Variants in BICRAL observed in about 807,000 individuals in gnomAD.
BICRAL encodes the protein BRD4-interacting chromatin-remodeling complex-associated protein-like.
BICRAL carries 8 observed loss-of-function variants against 91.8 expected under a neutral mutation model. The observed-to-expected ratio is 0.09, with a 90% CI of 0.05 to 0.16. The LOEUF (loss-of-function observed/expected upper bound fraction) is 0.16. Among genes scored for constraint, BICRAL ranks in the 10% least tolerant of loss-of-function variants. The probability of loss-of-function intolerance (pLI) is 1.00; values close to 1 mark genes in which losing one functional copy is unlikely to be tolerated. For synonymous variants in BICRAL, 445 were observed against 491.1 expected (o/e 0.91, Z 1.24); for missense variants, 1,038 against 1,310.9 (o/e 0.79, Z 3.21).
chr6:42,842,551 C>T (rs1764832110), intron 6 of BICRAL, among the ~76,000 whole-genome samples: 1 of 152,122 alleles, frequency 6.6e-6, no homozygotes, highest in Non-Finnish European at 1.5e-5. Flanking sequence ...ATTGTGTGTT[C>T]AGGCCTTTGT....
chr6:42,764,531 C>T (rs1384462651), intron 1 of BICRAL, among the ~76,000 whole-genome samples: 1 of 148,748 alleles, frequency 6.7e-6, no homozygotes, highest in South Asian at 2.1e-4. Context: ...GAGTAAGACT[C>T]TGTCTTAAAA....
intron 1 of BICRAL, among the ~76,000 whole-genome samples, chr6:42,800,208 G>C (rs982311799): frequency 5.3e-5 from 8 of 152,116 alleles, no homozygotes; most frequent in African/African-American, 1.9e-4. Flanking sequence ...GGGATTACCG[G>C]TGCCTGCCAC....
At chr6:42,833,326 G>C (rs1764549079) in intron 6 of BICRAL, among the ~76,000 whole-genome samples, 1 of 152,094 alleles carries the variant, frequency 6.6e-6, no homozygotes, top group Non-Finnish European at 1.5e-5. Context: ...GGGATTACAG[G>C]CGTGAGCCAC....
intron 5 of BICRAL, among the ~76,000 whole-genome samples, chr6:42,826,098 A>C (rs187311333): frequency 1.0e-4 from 14 of 138,984 alleles, no homozygotes; most frequent in Admixed American, 5.8e-4. Context: ...GGAAAAAAGA[A>C]AAAAAGATAC....
At chr6:42,849,674 C>T (rs137939497) in intron 6 of BICRAL, among the ~76,000 whole-genome samples, 1,644 of 149,910 alleles carry the variant, frequency 0.011, 23 homozygotes, top group African/African-American at 0.038. Context: ...CTCCTGACCT[C>T]GTGATCCGCC....
At chr6:42,823,400 G>A (rs1764199656) in intron 5 of BICRAL, among the ~76,000 whole-genome samples, 1 of 152,160 alleles carries the variant, frequency 6.6e-6, no homozygotes, top group South Asian at 2.1e-4. Flanking sequence ...GGAATTACAG[G>A]TATGAGCCAC....
chr6:42,847,018 C>T (rs1316248583), intron 6 of BICRAL, among the ~76,000 whole-genome samples: 1 of 152,176 alleles, frequency 6.6e-6, no homozygotes, highest in Non-Finnish European at 1.5e-5. Flanking sequence ...AATCTCCGCA[C>T]TTAGAGGGGC....
At chr6:42,747,669 G>T (rs1762301254) in intron 1 of BICRAL, among the ~76,000 whole-genome samples, 1 of 152,218 alleles carries the variant, frequency 6.6e-6, no homozygotes, top group Non-Finnish European at 1.5e-5. Flanking sequence ...GTGTCCGCGT[G>T]CCTGCGTGCA....
At chr6:42,861,994 G>C (rs1765569133) in intron 11 of BICRAL, among the ~76,000 whole-genome samples, 1 of 151,818 alleles carries the variant, frequency 6.6e-6, no homozygotes, top group South Asian at 2.1e-4. Context: ...GCGAGACTCT[G>C]TCTAAAAATA....
At chr6:42,806,715 A>G (rs1467250719) in intron 1 of BICRAL, among the ~76,000 whole-genome samples, 1 of 151,208 alleles carries the variant, frequency 6.6e-6, no homozygotes, top group Non-Finnish European at 1.5e-5. Flanking sequence ...GGGTTTTGCC[A>G]TGTTGCCCAG....
intron 6 of BICRAL, among the ~76,000 whole-genome samples, chr6:42,851,617 T>C (rs1246204587): frequency 1.3e-5 from 2 of 152,192 alleles, no homozygotes; most frequent in Non-Finnish European, 2.9e-5. Context: ...TGATGAAATA[T>C]ACTTTATATC....
Position 42,865,593 on chromosome 6 carries a change from A to T in BICRAL, c.*147A>T. The T allele has an allele frequency of 1.7e-6, 1 of 605,594 alleles. No homozygotes were observed. Among genetic ancestry groups the T allele is most frequent in the South Asian group, 2.1e-5 (1 of 48,220 alleles). The allele number at this position is 605,594 out of a possible 1,614,324, so 37.5% of individuals were successfully genotyped here. On this transcript the variant is annotated 3_prime_UTR_variant, in exon 13 of 13. Coordinates refer to ENST00000314073, the MANE Select transcript of BICRAL (RefSeq NM_001393499.1). ...CTTTCATCACAGGTTATTCTTTCTA[A>T]TCTCAATCCTGTTCTTTGTTTAAGA... is the stretch of plus-strand genomic sequence containing the variant.
chr6:42,767,367 A>T (rs2113839201), intron 1 of BICRAL, among the ~76,000 whole-genome samples: 1 of 152,234 alleles, frequency 6.6e-6, no homozygotes, highest in African/African-American at 2.4e-5. Context: ...TTTTTGTAAA[A>T]GGCTAGGCTG....
At chr6:42,816,249 T>A (rs1763992802) in intron 2 of BICRAL, among the ~76,000 whole-genome samples, 1 of 150,908 alleles carries the variant, frequency 6.6e-6, no homozygotes, top group Non-Finnish European at 1.5e-5. Flanking sequence ...CACTGTAGCA[T>A]ACACCTGTAA....
chr6:42,841,530 C>T (rs1341814450), intron 6 of BICRAL, among the ~76,000 whole-genome samples: 1 of 152,078 alleles, frequency 6.6e-6, no homozygotes, highest in Non-Finnish European at 1.5e-5. Flanking sequence ...CCGCTCTGCC[C>T]CTCCCTACTT....
At chr6:42,833,143 C>T (rs1764543928) in intron 6 of BICRAL, among the ~76,000 whole-genome samples, 2 of 151,670 alleles carry the variant, frequency 1.3e-5, no homozygotes, top group South Asian at 4.2e-4. Context: ...GCAAGCTCCG[C>T]CTCCCGGGTT....
At chr6:42,848,603 G>A (rs1765090448) in intron 6 of BICRAL, among the ~76,000 whole-genome samples, 1 of 152,192 alleles carries the variant, frequency 6.6e-6, no homozygotes, top group South Asian at 2.1e-4. Context: ...CCGCACTTTA[G>A]GTGGCCGAGG....
chr6:42,783,551 T>C (rs1207749270), intron 1 of BICRAL, among the ~76,000 whole-genome samples: 1 of 151,690 alleles, frequency 6.6e-6, no homozygotes, highest in Admixed American at 6.6e-5. Context: ...TCCGAGGACA[T>C]CTCGATGACC....
In BICRAL at chr6:42,784,767, A is replaced by G. The variant is rs573212511; in HGVS notation, c.-102+2666A>G. 3.3e-5 allele frequency among the ~76,000 whole-genome samples: 5 copies of G among 152,346 alleles called. No individual in the cohort carries two copies. The East Asian group carries it at 9.6e-4, about 29-fold the overall frequency. On this transcript the variant is annotated intron_variant, in intron 1 of 12. Coordinates refer to ENST00000314073, the MANE Select transcript of BICRAL (RefSeq NM_001393499.1). The stretch of plus-strand genomic sequence containing the variant: ...TAATTTGGGAGATGTTTTTAAATAG[A>G]GATTTGTAACATCACCTCTTCCACC...
Sources: gnomAD v4.1 joint callset for allele counts (sites outside exome capture counted in the v4.1 genomes callset) on GRCh38, gnomAD v4.1.1 for gene constraint, MANE v1.5 for transcripts, NCBI Gene and HGNC (gene_info 2026-07-23, HGNC 2026-07-21) for gene names.